KIAA0319: variants seen among roughly 807,000 people sequenced by gnomAD.
KIAA0319 encodes the protein KIAA0319, also known as dyslexia-associated protein KIAA0319.
A neutral mutation model predicts 108.4 loss-of-function variants in KIAA0319; 83 were observed. That is an observed-to-expected ratio of 0.77 (90% CI 0.64 to 0.92). The LOEUF (loss-of-function observed/expected upper bound fraction) is 0.92, where lower values mean the gene tolerates loss of function less well. KIAA0319 is among the 40% of genes least tolerant of loss of function. KIAA0319 has a pLI of 0.00. For synonymous variants in KIAA0319, 484 were observed against 510.4 expected (o/e 0.95, Z 0.70); for missense variants, 1,195 against 1,322.4 (o/e 0.90, Z 1.49).
At chr6:24,622,809 C>T (rs934667265) in intron 1 of KIAA0319, among the ~76,000 whole-genome samples, 23 of 152,142 alleles carry the variant, frequency 1.5e-4, no homozygotes, top group African/African-American at 5.1e-4. Flanking sequence ...TCTGGGAGGC[C>T]GAGGCGAGAG....
At chr6:24,559,860 G>T (rs1158317635) in intron 16 of KIAA0319, among the ~76,000 whole-genome samples, 2 of 152,044 alleles carry the variant, frequency 1.3e-5, no homozygotes, top group Non-Finnish European at 2.9e-5. Context: ...ACACTCATTA[G>T]CACCTCCTCC....
intron 1 of KIAA0319, among the ~76,000 whole-genome samples, chr6:24,610,690 C>T (rs996859171): frequency 8.6e-5 from 13 of 151,664 alleles, no homozygotes; most frequent in African/African-American, 2.7e-4. Context: ...GGAGGCTGAG[C>T]GGGGAGGATC....
chr6:24,543,076 T>C (rs890371547), downstream of KIAA0319, among the ~76,000 whole-genome samples: 1 of 152,244 alleles, frequency 6.6e-6, no homozygotes, highest in Admixed American at 6.5e-5. Context: ...AACTCTGTGG[T>C]TTGGAAACTG....
chr6:24,583,815 T>C (rs1423550623), intron 4 of KIAA0319, 113 bp from the exon 5 acceptor site: 1 of 696,318 alleles, frequency 1.4e-6, no homozygotes, highest in Non-Finnish European at 2.4e-6. Flanking sequence ...TATGCTTTTG[T>C]AATAGTTCTT....
intron 14 of KIAA0319, among the ~76,000 whole-genome samples, chr6:24,565,283 C>G (rs1490592180): frequency 6.6e-6 from 1 of 151,630 alleles, no homozygotes; most frequent in African/African-American, 2.4e-5. Context: ...ATTTTCAGTT[C>G]CTTCCCTGTG....
At chr6:24,633,622 G>A (rs1775848962) in intron 1 of KIAA0319, among the ~76,000 whole-genome samples, 1 of 151,840 alleles carries the variant, frequency 6.6e-6, no homozygotes, top group Non-Finnish European at 1.5e-5. Flanking sequence ...TTAGAAGAAT[G>A]AATTAAAACT....
intron 1 of KIAA0319, among the ~76,000 whole-genome samples, chr6:24,610,870 G>A (rs1208121013): frequency 1.3e-5 from 2 of 152,118 alleles, no homozygotes; most frequent in African/African-American, 4.8e-5. Flanking sequence ...TAAAAATAAT[G>A]TGGTATATCC....
chr6:24,543,178 G>A (rs866868840), downstream of KIAA0319, among the ~76,000 whole-genome samples: 1 of 152,174 alleles, frequency 6.6e-6, no homozygotes, highest in South Asian at 2.1e-4. Context: ...AGCCTGGAAA[G>A]GAAGGAACTA....
downstream of KIAA0319, among the ~76,000 whole-genome samples, chr6:24,540,453 C>T (rs909568990): frequency 3.9e-5 from 6 of 152,112 alleles, no homozygotes; most frequent in African/African-American, 1.4e-4. Context: ...CAGGCATGAC[C>T]GTATAAGCCT....
At chr6:24,616,244 C>T (rs1054941634) in intron 1 of KIAA0319, among the ~76,000 whole-genome samples, 1 of 152,218 alleles carries the variant, frequency 6.6e-6, no homozygotes, top group Non-Finnish European at 1.5e-5. Context: ...GTATGATCCT[C>T]TTGAGGTATC....
intron 14 of KIAA0319, among the ~76,000 whole-genome samples, chr6:24,565,048 A>C (rs1170377277): frequency 1.3e-5 from 2 of 151,558 alleles, no homozygotes; most frequent in African/African-American, 4.9e-5. Context: ...GAGATCGAGA[A>C]CATCCTGGCT....
intron 1 of KIAA0319, among the ~76,000 whole-genome samples, chr6:24,616,738 C>T (rs890175227): frequency 6.6e-6 from 1 of 152,148 alleles, no homozygotes; most frequent in East Asian, 1.9e-4. Flanking sequence ...ACAGGGTTTA[C>T]TTTATTATAA....
intron 9 of KIAA0319, among the ~76,000 whole-genome samples, chr6:24,576,842 T>C (rs777223609): frequency 2.9e-4 from 44 of 151,940 alleles, no homozygotes; most frequent in Non-Finnish European, 5.7e-4. Flanking sequence ...GGAGGATCAT[T>C]TGAGCCCGGG....
chr6:24,540,834 C>T (rs553219228), downstream of KIAA0319, among the ~76,000 whole-genome samples: 3 of 152,252 alleles, frequency 2.0e-5, no homozygotes, highest in Admixed American at 6.5e-5. Context: ...CCCAGTGGTT[C>T]GCTTATTACC....
chr6:24,561,688 G>A (rs913904524), intron 16 of KIAA0319, among the ~76,000 whole-genome samples: 41 of 151,766 alleles, frequency 2.7e-4, no homozygotes, highest in Admixed American at 7.2e-4. Flanking sequence ...GACCATGGGC[G>A]TGTGCCACCA....
intron 19 of KIAA0319, 91 bp from the exon 20 acceptor site, chr6:24,551,616 A>C (rs1761524023): frequency 1.1e-6 from 1 of 903,102 alleles, no homozygotes. Flanking sequence ...TAAAGGAAAC[A>C]TTTTGCCTTT....
At chr6:24,565,719 C>G (rs1352829689) in intron 14 of KIAA0319, among the ~76,000 whole-genome samples, 1 of 128,338 alleles carries the variant, frequency 7.8e-6, no homozygotes, top group African/African-American at 3.1e-5. Flanking sequence ...CGCCACTGCA[C>G]TACAGCCTGG....
At chr6:24,644,245 GA>G (rs202095297) in intron 1 of KIAA0319, among the ~76,000 whole-genome samples, 751 of 74,420 alleles carry the variant, frequency 0.01, 9 homozygotes, top group Middle Eastern at 9.4e-3. Context: ...GGACAGGGGA[GA>G]GGGGGGGGTT....
chr6:24,571,298 T>C (rs1409624849), intron 11 of KIAA0319, among the ~76,000 whole-genome samples: 2 of 151,362 alleles, frequency 1.3e-5, no homozygotes, highest in African/African-American at 2.4e-5. Flanking sequence ...TCCCAGTACT[T>C]TGGGAGGCCA....
Sources: gnomAD v4.1 joint callset for allele counts (sites outside exome capture counted in the v4.1 genomes callset) on GRCh38, gnomAD v4.1.1 for gene constraint, MANE v1.5 for transcripts, NCBI Gene and HGNC (gene_info 2026-07-23, HGNC 2026-07-21) for gene names.